The following NDST4 variants were observed in gnomAD, a reference collection of about 807,000 sequenced individuals.
NDST4 encodes N-heparan sulfate sulfotransferase 4.
Under a neutral mutation model 100.8 loss-of-function variants are expected in NDST4, and 63 were observed. That is an observed-to-expected ratio of 0.62 (90% CI 0.51 to 0.77). NDST4 has a LOEUF of 0.77. NDST4 is among the 30% of genes least tolerant of loss of function. The probability of loss-of-function intolerance (pLI) is 0.00; values close to 1 mark genes in which losing one functional copy is unlikely to be tolerated. For synonymous variants in NDST4, 377 were observed against 361.8 expected (o/e 1.04, Z -0.48); for missense variants, 943 against 1,018.4 (o/e 0.93, Z 1.01).
rs267599994 is a variant in NDST4, at chr4:115,076,598, G to T, written c.439C>A (p.Arg147=). ...ACACAGTATTTTTCTAAAAGCTCTC[G>T]ATTCCATGAGTCCATGCTGACATAC... The part of the protein sequence containing the change: ...LKYVSMDSWN[R]ELLEKYCVEY... Residue 147 remains arginine (R), a synonymous_variant, in exon 2 of 14, where the codon CGA becomes AGA. Coordinates refer to ENST00000264363, the MANE Select transcript of NDST4 (RefSeq NM_022569.3). 15 of 1,613,802 alleles carry T rather than the reference G, an allele frequency of 9.3e-6. No homozygotes were observed. The highest frequency in any genetic ancestry group is 1.3e-5 in the Non-Finnish European group (15 of 1,179,888).
chr4:115,028,751 C>A (rs1377255535), intron 2 of NDST4, among the ~76,000 whole-genome samples: 1 of 151,982 alleles, frequency 6.6e-6, no homozygotes, highest in Non-Finnish European at 1.5e-5. Flanking sequence ...GAGCACTTAG[C>A]AAGAACACTT....
intron 1 of NDST4, among the ~76,000 whole-genome samples, chr4:115,091,276 A>T (rs956481251): frequency 2.0e-5 from 3 of 152,036 alleles, no homozygotes; most frequent in Non-Finnish European, 4.4e-5. Flanking sequence ...TTTCTCTGTT[A>T]TGCAAACGTG....
intron 6 of NDST4, among the ~76,000 whole-genome samples, chr4:114,924,308 G>A (rs550091679): frequency 3.9e-5 from 6 of 151,932 alleles, no homozygotes; most frequent in Non-Finnish European, 8.8e-5. Flanking sequence ...AATATCATAC[G>A]TTGTAAGTCC....
intron 6 of NDST4, among the ~76,000 whole-genome samples, chr4:114,901,122 T>C (rs968885135): frequency 2.0e-5 from 3 of 151,982 alleles, no homozygotes; most frequent in Non-Finnish European, 4.4e-5. Flanking sequence ...TATTATGCTG[T>C]TGTTTGATGA....
At chr4:114,949,803 C>T (rs893027050) in intron 4 of NDST4, among the ~76,000 whole-genome samples, 14 of 152,098 alleles carry the variant, frequency 9.2e-5, no homozygotes, top group African/African-American at 3.4e-4. Flanking sequence ...AGTTTGGCTC[C>T]ACAAGCAAAC....
chr4:114,884,198 A>G (rs190064447), intron 6 of NDST4, among the ~76,000 whole-genome samples: 1 of 152,256 alleles, frequency 6.6e-6, no homozygotes, highest in East Asian at 1.9e-4. Flanking sequence ...TCACACACAC[A>G]TAAGTACACT....
At chr4:115,044,620 T>C (rs545119081) in intron 2 of NDST4, among the ~76,000 whole-genome samples, 27 of 151,874 alleles carry the variant, frequency 1.8e-4, no homozygotes, top group Non-Finnish European at 3.1e-4. Context: ...CTCCTATGTA[T>C]TTTGATAGAT....
intron 2 of NDST4, among the ~76,000 whole-genome samples, chr4:115,009,033 G>C (rs1378582760): frequency 7.9e-6 from 1 of 126,022 alleles, no homozygotes. Context: ...TGAAATAAAA[G>C]AGGATACAAA....
intron 1 of NDST4, among the ~76,000 whole-genome samples, chr4:115,091,151 T>C (rs1729511384): frequency 6.6e-6 from 1 of 152,120 alleles, no homozygotes; most frequent in African/African-American, 2.4e-5. Flanking sequence ...AAAACAAATT[T>C]TGATACATCT....
At chr4:115,089,085 A>G (rs1729462353) in intron 1 of NDST4, among the ~76,000 whole-genome samples, 1 of 152,048 alleles carries the variant, frequency 6.6e-6, no homozygotes, top group South Asian at 2.1e-4. Flanking sequence ...AACAATAACC[A>G]TATTTATGTC....
chr4:114,850,703 G>A lies in NDST4; in HGVS notation c.1816+2022C>T, dbSNP rs143986908. 1.2e-4 allele frequency among the ~76,000 whole-genome samples: 18 copies of A among 152,260 alleles called. No homozygotes were observed. In the East Asian group the frequency reaches 3.5e-3, roughly 29 times the overall value. On this transcript the variant is annotated intron_variant, in intron 8 of 13. Coordinates refer to ENST00000264363, the MANE Select transcript of NDST4 (RefSeq NM_022569.3). ...TACGGGGGTAAGCCAGGCAAATCAT[G>A]AGACATTAATATTGACAGTGTGAAC...
intron 2 of NDST4, among the ~76,000 whole-genome samples, chr4:115,020,473 A>C (rs1293364478): frequency 6.6e-6 from 1 of 152,082 alleles, no homozygotes; most frequent in Non-Finnish European, 1.5e-5. Context: ...CATAGGAAAA[A>C]CCCTTTTAGA....
intron 4 of NDST4, among the ~76,000 whole-genome samples, chr4:114,949,924 A>C (rs1725951994): frequency 6.6e-6 from 1 of 152,072 alleles, no homozygotes; most frequent in South Asian, 2.1e-4. Context: ...AGTAAAAATA[A>C]GGATGTAAAT....
chr4:115,076,911 T>C lies in NDST4; in HGVS notation c.126A>G (p.Thr42=). ...FLYSGYKQEM[T]LIETTAEAEC... is the part of the protein sequence containing the mutation. ...CTGCTTCTGCAGTGGTTTCAATAAG[T>C]GTCATTTCCTGTTTGTAGCCAGAGT... The change falls in exon 2 of 14, where the codon ACA becomes ACG. Residue 42 remains threonine, a synonymous_variant. Transcript: ENST00000264363. 2 of 1,613,780 alleles carry C rather than the reference T, an allele frequency of 1.2e-6. No homozygotes were observed. Among genetic ancestry groups the C allele is most frequent in the Non-Finnish European group, 1.7e-6 (2 of 1,179,842 alleles).
At chr4:114,988,506 C>T (rs1057031111) in intron 2 of NDST4, among the ~76,000 whole-genome samples, 12 of 151,264 alleles carry the variant, frequency 7.9e-5, no homozygotes, top group Admixed American at 2.0e-4. Flanking sequence ...GGACTACAGG[C>T]GCCCGCCACC....
chr4:114,968,513 T>C (rs1286419620), intron 4 of NDST4, among the ~76,000 whole-genome samples: 1 of 152,114 alleles, frequency 6.6e-6, no homozygotes, highest in Non-Finnish European at 1.5e-5. Flanking sequence ...TTGGTAAAGA[T>C]TGAGATAAAA....
At chr4:115,024,808 C>A (rs1024741896) in intron 2 of NDST4, among the ~76,000 whole-genome samples, 1 of 152,074 alleles carries the variant, frequency 6.6e-6, no homozygotes, top group East Asian at 1.9e-4. Flanking sequence ...CTTCAAAATG[C>A]GTGTTTAAAT....
intron 2 of NDST4, among the ~76,000 whole-genome samples, chr4:114,995,409 T>C (rs941411435): frequency 3.3e-5 from 5 of 152,076 alleles, no homozygotes; most frequent in African/African-American, 1.2e-4. Context: ...CACTTAGAAG[T>C]AACAAACAGC....
chr4:115,028,580 T>G (rs1404204559), intron 2 of NDST4, among the ~76,000 whole-genome samples: 9 of 146,444 alleles, frequency 6.1e-5, no homozygotes, highest in Non-Finnish European at 1.2e-4. Context: ...AAAAAAAAAA[T>G]GTATATTAAT....
Sources: allele counts gnomAD v4.1 joint callset (sites outside exome capture counted in the v4.1 genomes callset), GRCh38; gene constraint gnomAD v4.1.1; transcripts MANE v1.5; gene names NCBI Gene and HGNC (gene_info 2026-07-23, HGNC 2026-07-21).